SDK1: variants seen among roughly 807,000 people sequenced by gnomAD.
SDK1 encodes protein sidekick-1.
A neutral mutation model predicts 245.5 loss-of-function variants in SDK1; 157 were observed. That is an observed-to-expected ratio of 0.64 (90% CI 0.56 to 0.73). The LOEUF is 0.73. Ranked by LOEUF, SDK1 falls within the 30% of genes least tolerant of loss-of-function variation. The probability of loss-of-function intolerance (pLI) is 0.00; values close to 1 mark genes in which losing one functional copy is unlikely to be tolerated. For missense variants in SDK1, 3,583 were observed against 3,002.3 expected, an observed-to-expected ratio of 1.19 and a Z score of -4.52; for synonymous variants, 1,647 against 1,278.5, an observed-to-expected ratio of 1.29 and a Z score of -6.15.
intron 5 of SDK1, among the ~76,000 whole-genome samples, chr7:3,857,587 T>A (rs972425234): frequency 3.3e-5 from 5 of 151,754 alleles, no homozygotes; most frequent in African/African-American, 1.2e-4. Flanking sequence ...CTTGAGAGGT[T>A]GAGGTGGGAG....
intron 2 of SDK1, among the ~76,000 whole-genome samples, chr7:3,633,107 T>C (rs1782348096): frequency 6.6e-6 from 1 of 152,170 alleles, no homozygotes; most frequent in Non-Finnish European, 1.5e-5. Flanking sequence ...AAGAATAGGC[T>C]TTGGTCCAAG....
intron 5 of SDK1, among the ~76,000 whole-genome samples, chr7:3,904,199 C>A (rs563856097): frequency 6.1e-4 from 93 of 152,322 alleles, no homozygotes; most frequent in African/African-American, 2.1e-3. Flanking sequence ...GACCCACATA[C>A]TGCATGAATC....
At chr7:3,732,539 T>G (rs1779210945) in intron 4 of SDK1, among the ~76,000 whole-genome samples, 1 of 152,256 alleles carries the variant, frequency 6.6e-6, no homozygotes, top group Non-Finnish European at 1.5e-5. Flanking sequence ...ACATATTTCC[T>G]TTTTTGTTCA....
intron 22 of SDK1, among the ~76,000 whole-genome samples, chr7:4,099,415 C>T (rs901120427): frequency 4.3e-5 from 6 of 140,990 alleles, no homozygotes; most frequent in African/African-American, 1.6e-4. Context: ...TCTGCTGTGG[C>T]TTCTGAGGGA....
chr7:4,149,841 G>T, intron 30 of SDK1, among the ~76,000 whole-genome samples: 1 of 152,250 alleles, frequency 6.6e-6, no homozygotes, highest in East Asian at 1.9e-4. Flanking sequence ...GGCTGGCCTC[G>T]GGTGTCCAGG....
chr7:3,981,710 C>G (rs563739838), intron 13 of SDK1, among the ~76,000 whole-genome samples: 2 of 152,270 alleles, frequency 1.3e-5, no homozygotes, highest in Non-Finnish European at 2.9e-5. Flanking sequence ...CAAAGCCTAA[C>G]CCAGAACAAG....
chr7:3,687,836 T>C (rs1784335561), intron 4 of SDK1, among the ~76,000 whole-genome samples: 3 of 152,208 alleles, frequency 2.0e-5, no homozygotes, highest in African/African-American at 7.2e-5. Context: ...CTCACAGTGC[T>C]GTTCTATACT....
At chr7:3,321,940 A>G (rs1233600424) in intron 1 of SDK1, among the ~76,000 whole-genome samples, 1 of 147,378 alleles carries the variant, frequency 6.8e-6, no homozygotes, top group Non-Finnish European at 1.5e-5. Context: ...CTCTGCTTAT[A>G]CCTTTGTTCC....
chr7:3,636,664 G>A (rs1409492621), intron 2 of SDK1, among the ~76,000 whole-genome samples: 2 of 152,184 alleles, frequency 1.3e-5, no homozygotes, highest in South Asian at 2.1e-4. Flanking sequence ...TGCAGTAGAC[G>A]TGGGAGGGCA....
chr7:3,768,125 G>A (rs1327563919), intron 4 of SDK1, among the ~76,000 whole-genome samples: 7 of 152,182 alleles, frequency 4.6e-5, no homozygotes, highest in South Asian at 2.1e-4. Context: ...GGTCATTAAC[G>A]TGCCATTTAT....
chr7:3,856,760 T>C (rs972473359), intron 5 of SDK1, among the ~76,000 whole-genome samples: 2 of 152,078 alleles, frequency 1.3e-5, no homozygotes, highest in African/African-American at 4.8e-5. Context: ...CACTGCACTC[T>C]AGCCTGGGCA....
intron 5 of SDK1, among the ~76,000 whole-genome samples, chr7:3,863,877 A>G (rs28565971): frequency 6.6e-6 from 1 of 152,134 alleles, no homozygotes; most frequent in Admixed American, 6.5e-5. Flanking sequence ...GCTGTTGTGA[A>G]TCTGCTGCTA....
At chr7:3,342,854 G>A (rs2128555064) in intron 1 of SDK1, among the ~76,000 whole-genome samples, 1 of 152,158 alleles carries the variant, frequency 6.6e-6, no homozygotes, top group Non-Finnish European at 1.5e-5. Flanking sequence ...AATCCAGTTG[G>A]AAAATGGACA....
At chr7:4,139,583 ATGTG>A (rs372711816) in intron 28 of SDK1, among the ~76,000 whole-genome samples, 2 of 41,854 alleles carry the variant, frequency 4.8e-5, no homozygotes, top group African/African-American at 7.0e-5. Flanking sequence ...GTGTGTGTGT[ATGTG>A]TGTGTATATG....
At chr7:3,766,619 G>C (rs1310860184) in intron 4 of SDK1, among the ~76,000 whole-genome samples, 1 of 152,146 alleles carries the variant, frequency 6.6e-6, no homozygotes, top group Non-Finnish European at 1.5e-5. Flanking sequence ...ATAAGCTTTA[G>C]TAAGGACATG....
Position 4,134,132 on chromosome 7 carries a change from C to T in SDK1, c.4228+1709C>T, listed in dbSNP as rs531123614. Among the ~76,000 whole-genome samples, 6 of 152,192 alleles carry T rather than the reference C, an allele frequency of 3.9e-5. No individual in the cohort carries two copies. In the South Asian group the frequency reaches 8.3e-4, roughly 21 times the overall value. ...AGATATTTATTGAGCCCTTGCTTCC[C>T]TGAGAGGGGGCCTGGAGCTTCCTAA... On this transcript the variant is annotated intron_variant, in intron 28 of 44. Coordinates refer to ENST00000404826, the MANE Select transcript of SDK1 (RefSeq NM_152744.4).
chr7:3,895,381 T>C (rs1213915453), intron 5 of SDK1, among the ~76,000 whole-genome samples: 2 of 152,216 alleles, frequency 1.3e-5, no homozygotes, highest in East Asian at 3.9e-4. Context: ...CATCCATGTA[T>C]CAAAGCTCTA....
intron 32 of SDK1, among the ~76,000 whole-genome samples, chr7:4,164,296 G>T (rs1781355004): frequency 6.6e-6 from 1 of 152,204 alleles, no homozygotes. Context: ...GGGTGACTGT[G>T]GCCCTGAGAG....
chr7:3,353,403 C>T (rs530535405), intron 1 of SDK1, among the ~76,000 whole-genome samples: 1 of 152,230 alleles, frequency 6.6e-6, no homozygotes, highest in African/African-American at 2.4e-5. Context: ...TAGGAACTCA[C>T]ATGACTCCCA....
Sources: gnomAD v4.1 joint callset for allele counts (sites outside exome capture counted in the v4.1 genomes callset) on GRCh38, gnomAD v4.1.1 for gene constraint, MANE v1.5 for transcripts, NCBI Gene and HGNC (gene_info 2026-07-23, HGNC 2026-07-21) for gene names.